CRB1: variants seen among roughly 807,000 people sequenced by gnomAD.
CRB1 encodes crumbs cell polarity complex component 1, also known as protein crumbs homolog 1.
A neutral mutation model predicts 120.0 loss-of-function variants in CRB1; 83 were observed. That is an observed-to-expected ratio of 0.69 (90% CI 0.58 to 0.83). The LOEUF (loss-of-function observed/expected upper bound fraction) is 0.83, where lower values mean the gene tolerates loss of function less well. CRB1 is among the 40% of genes least tolerant of loss of function. The probability of loss-of-function intolerance (pLI) is 0.00; values close to 1 mark genes in which losing one functional copy is unlikely to be tolerated. For synonymous variants in CRB1, 625 were observed against 612.5 expected, an observed-to-expected ratio of 1.02 and a Z score of -0.30; for missense variants, 1,699 against 1,687.6, an observed-to-expected ratio of 1.01 and a Z score of -0.12.
At chr1:197,438,472 T>G (rs928603494) in intron 9 of CRB1, 75 bp from the exon 10 acceptor site, 5 of 1,578,550 alleles carry the variant, frequency 3.2e-6, no homozygotes, top group Non-Finnish European at 4.3e-6. Flanking sequence ...ACTACATACA[T>G]GAATTTATCA....
chr1:197,438,479 A>G, intron 9 of CRB1, 68 bp from the exon 10 acceptor site: 1 of 1,593,034 alleles, frequency 6.3e-7, no homozygotes. Flanking sequence ...ACATGAATTT[A>G]TCAGAAAACT....
chr1:197,306,096 G>A (rs1657157896), intron 1 of CRB1, among the ~76,000 whole-genome samples: 1 of 152,090 alleles, frequency 6.6e-6, no homozygotes, highest in African/African-American at 2.4e-5. Flanking sequence ...AGGAATGTAA[G>A]CAGAGGAATA....
At chr1:197,371,703 C>T (rs1055410577) in intron 5 of CRB1, among the ~76,000 whole-genome samples, 1 of 152,138 alleles carries the variant, frequency 6.6e-6, no homozygotes, top group Non-Finnish European at 1.5e-5. Flanking sequence ...TTGCACCCAA[C>T]TCCCACAGGG....
At chr1:197,220,141 A>G in the CRB1 span, among the ~76,000 whole-genome samples, 1 of 152,124 alleles carries the variant, frequency 6.6e-6, no homozygotes, top group Admixed American at 6.6e-5. Context: ...ACTATTTAAC[A>G]TGGAGAGGCT....
chr1:197,387,492 C>T (rs903994082), intron 5 of CRB1, among the ~76,000 whole-genome samples: 5 of 151,958 alleles, frequency 3.3e-5, no homozygotes, highest in South Asian at 2.1e-4. Context: ...TTCCCTGTGC[C>T]GCTCCATAGA....
intron 1 of CRB1, among the ~76,000 whole-genome samples, chr1:197,281,552 C>T (rs192561382): frequency 6.6e-6 from 1 of 151,816 alleles, no homozygotes; most frequent in African/African-American, 2.4e-5. Context: ...CCCTGGCATG[C>T]TCAGACTTGG....
At chr1:197,291,168 A>G (rs1656155839) in intron 1 of CRB1, among the ~76,000 whole-genome samples, 1 of 151,834 alleles carries the variant, frequency 6.6e-6, no homozygotes, top group African/African-American at 2.4e-5. Context: ...TTAAATTTCC[A>G]TGCAAGATAA....
At chr1:197,296,193 C>G (rs1036310903) in intron 1 of CRB1, among the ~76,000 whole-genome samples, 16 of 152,082 alleles carry the variant, frequency 1.1e-4, no homozygotes, top group African/African-American at 3.6e-4. Context: ...ACTTTTTCAT[C>G]ACAGGTAAAA....
intron 4 of CRB1, among the ~76,000 whole-genome samples, chr1:197,350,176 C>T (rs1279653250): frequency 6.6e-6 from 1 of 151,550 alleles, no homozygotes; most frequent in African/African-American, 2.4e-5. Context: ...CCAACCAACA[C>T]TCATGAAAGA....
At chr1:197,456,152 G>A (rs1041511864) in intron 11 of CRB1, among the ~76,000 whole-genome samples, 6 of 151,996 alleles carry the variant, frequency 3.9e-5, no homozygotes, top group African/African-American at 1.4e-4. Context: ...TTCTATATTT[G>A]TTATTTAAAG....
intron 1 of CRB1, among the ~76,000 whole-genome samples, chr1:197,271,204 A>G (rs1462172864): frequency 6.6e-6 from 1 of 152,154 alleles, no homozygotes; most frequent in East Asian, 1.9e-4. Flanking sequence ...GTCTCAAGAA[A>G]TAAAAAGAAA....
At chr1:197,273,047 G>A (rs1764634) in intron 1 of CRB1, among the ~76,000 whole-genome samples, 3,307 of 151,586 alleles carry the variant, frequency 0.022, 122 homozygotes, top group African/African-American at 0.075. Context: ...CATTTCCTTA[G>A]ATATTACCTG....
upstream of CRB1, among the ~76,000 whole-genome samples, chr1:197,265,020 C>T (rs1222547530): frequency 6.6e-6 from 1 of 152,062 alleles, no homozygotes; most frequent in Non-Finnish European, 1.5e-5. Context: ...TTTATAATCT[C>T]TTAAGTTAGC....
chr1:197,391,724 T>C (rs914735606), intron 5 of CRB1, among the ~76,000 whole-genome samples: 1 of 152,098 alleles, frequency 6.6e-6, no homozygotes, highest in Non-Finnish European at 1.5e-5. Flanking sequence ...CAGTTCTCAG[T>C]TCTCAGAAGT....
chr1:197,473,200 C>G (rs573945084), intron 11 of CRB1, among the ~76,000 whole-genome samples: 1 of 152,128 alleles, frequency 6.6e-6, no homozygotes, highest in Non-Finnish European at 1.5e-5. Flanking sequence ...AAACAAGTAT[C>G]GAAATTGGAT....
At chr1:197,473,648 T>A (rs187042202) in intron 11 of CRB1, among the ~76,000 whole-genome samples, 1 of 152,210 alleles carries the variant, frequency 6.6e-6, no homozygotes, top group East Asian at 1.9e-4. Context: ...ACATTATATT[T>A]ATAATTAATT....
At chr1:197,218,044 T>C in the CRB1 span, among the ~76,000 whole-genome samples, 961 of 152,260 alleles carry the variant, frequency 6.3e-3, 14 homozygotes, top group African/African-American at 0.022. Flanking sequence ...TAAAAAACAA[T>C]TTCAGCTCTT....
the CRB1 span, among the ~76,000 whole-genome samples, chr1:197,216,908 A>G: frequency 2.0e-5 from 3 of 152,130 alleles, no homozygotes; most frequent in Non-Finnish European, 2.9e-5. Flanking sequence ...CCTTCTCATA[A>G]AAGTCCCATA....
chr1:197,281,000 G>A lies in CRB1; in HGVS notation c.70+12518G>A, dbSNP rs79642745. On this transcript the variant is annotated intron_variant, in intron 1 of 11. Coordinates refer to ENST00000367400, the MANE Select transcript of CRB1 (RefSeq NM_201253.3). ...GGGTTTCTGTGCTACAACTCCTGATGCTATGATTTCACTGTTCCTGTGTAG... is the reference window on the plus strand; with the variant it reads ...GGGTTTCTGTGCTACAACTCCTGATACTATGATTTCACTGTTCCTGTGTAG... Among the ~76,000 whole-genome samples the A allele has an allele frequency of 7.6e-4, 116 of 151,984 alleles. 2 individuals carry two copies. The East Asian group carries it at 0.022, about 29-fold the overall frequency.
Sources: allele counts gnomAD v4.1 joint callset (sites outside exome capture counted in the v4.1 genomes callset), GRCh38; gene constraint gnomAD v4.1.1; transcripts MANE v1.5; gene names NCBI Gene and HGNC (gene_info 2026-07-23, HGNC 2026-07-21).